The following ZC3H6 variants were observed in gnomAD, a reference collection of about 807,000 sequenced individuals.
The protein encoded by ZC3H6 is zinc finger CCCH-type containing 6, also known as zinc finger CCCH domain-containing protein 6.
Under a neutral mutation model 107.7 loss-of-function variants are expected in ZC3H6, and 40 were observed. The observed-to-expected ratio is 0.37, with a 90% CI of 0.29 to 0.48. ZC3H6 has a LOEUF of 0.48. ZC3H6 is among the 20% of genes least tolerant of loss of function. The probability of loss-of-function intolerance (pLI) is 0.98; values close to 1 mark genes in which losing one functional copy is unlikely to be tolerated. For missense variants in ZC3H6, 1,267 were observed against 1,410.4 expected, an observed-to-expected ratio of 0.90 and a Z score of 1.63; for synonymous variants, 493 against 487.9, an observed-to-expected ratio of 1.01 and a Z score of -0.14.
chr2:112,310,155 C>G lies in ZC3H6; in HGVS notation c.607C>G (p.Gln203Glu), dbSNP rs746829747. ...SGKKQRMKGV[Q>E]QGIEQRVKSF... ...AAAAAAACAGAGAATGAAAGGAGTTCAGCAAGGTAAGTTTGAAATTACAGT... is the reference window on the plus strand; with the variant it reads ...AAAAAAACAGAGAATGAAAGGAGTTGAGCAAGGTAAGTTTGAAATTACAGT... Residue 203 changes from glutamine to glutamate, a missense_variant, in exon 4 of 12, where the codon CAG becomes GAG. Around this residue, in one of 3 missense-constraint regions of ZC3H6, gnomAD observed 337 missense variants for 361.2 expected, o/e 0.93. Transcript: ENST00000409871. The G allele has an allele frequency of 6.2e-7, 1 of 1,611,228 alleles. No homozygotes were observed. The highest frequency in any genetic ancestry group is 1.1e-5 in the South Asian group (1 of 90,624).
Position 112,316,344 on chromosome 2 carries a change from C to T in ZC3H6, c.748-126C>T, listed in dbSNP as rs1433137592. The stretch of plus-strand genomic sequence containing the variant: ...CTCTCTCCAAATAAATGAATAGCAT[C>T]AGAATGTTCAATCTTGATCACTTTT... On this transcript the variant is annotated intron_variant, in intron 5 of 11. Coordinates refer to ENST00000409871, the MANE Select transcript of ZC3H6 (RefSeq NM_198581.3). The T allele has an allele frequency of 6.4e-6, 4 of 624,382 alleles. No homozygotes were observed. The East Asian group carries it at 9.3e-5, about 14-fold the overall frequency. The allele number at this position is 624,382 out of a possible 1,614,324, so 38.7% of individuals were successfully genotyped here. A position where few individuals can be genotyped will look rare whatever the true frequency, so the allele number is the denominator to read the frequency against.
chr2:112,283,603 T>G (rs1222815485), intron 1 of ZC3H6, among the ~76,000 whole-genome samples: 1 of 152,228 alleles, frequency 6.6e-6, no homozygotes, highest in Non-Finnish European at 1.5e-5. Flanking sequence ...CATAACTTCA[T>G]TTGGTAGTTA....
chr2:112,278,977 TA>T (rs943308027), intron 1 of ZC3H6, among the ~76,000 whole-genome samples: 7 of 152,082 alleles, frequency 4.6e-5, no homozygotes, highest in African/African-American at 7.2e-5. Context: ...ATGAATAATT[TA>T]AAAAAAATCC....
intron 3 of ZC3H6, among the ~76,000 whole-genome samples, chr2:112,305,431 A>G (rs1295046936): frequency 6.6e-6 from 1 of 152,230 alleles, no homozygotes; most frequent in African/African-American, 2.4e-5. Context: ...ATAAACAATA[A>G]TGCAGTTGTT....
intron 7 of ZC3H6, among the ~76,000 whole-genome samples, chr2:112,321,244 T>C (rs1048371975): frequency 6.6e-6 from 1 of 151,986 alleles, no homozygotes; most frequent in Non-Finnish European, 1.5e-5. Flanking sequence ...ATATTAAGCC[T>C]CTTAATTTTC....
intron 1 of ZC3H6, among the ~76,000 whole-genome samples, chr2:112,283,430 C>A (rs12623743): frequency 0.097 from 14,749 of 151,720 alleles, 991 homozygotes; most frequent in East Asian, 0.33. Context: ...AATAAATAAT[C>A]AAGTTCCGAG....
chr2:112,326,277 C>T (rs1676905229), intron 11 of ZC3H6, among the ~76,000 whole-genome samples: 2 of 151,886 alleles, frequency 1.3e-5, no homozygotes, highest in Admixed American at 6.6e-5. Context: ...ACTATAGTCA[C>T]CCTGTTGTGC....
At chr2:112,277,725 C>T (rs774739103) in intron 1 of ZC3H6, among the ~76,000 whole-genome samples, 4 of 151,712 alleles carry the variant, frequency 2.6e-5, no homozygotes, top group Non-Finnish European at 5.9e-5. Flanking sequence ...AGGTTAGCTC[C>T]ACTTTAACTT....
Position 112,300,041 on chromosome 2 carries a change from T to C in ZC3H6, c.213+12T>C. On this transcript the variant is annotated intron_variant, in intron 2 of 11. Coordinates refer to ENST00000409871, the MANE Select transcript of ZC3H6 (RefSeq NM_198581.3). The stretch of plus-strand genomic sequence containing the variant: ...GTGAGAAACATAAGGTTAGTTAGAA[T>C]CTACTTTTTATTCTTTTGATAAATG... 2 of 1,367,634 alleles carry C rather than the reference T, an allele frequency of 1.5e-6. No individual in the cohort carries two copies. Among genetic ancestry groups the C allele is most frequent in the Non-Finnish European group, 1.9e-6 (2 of 1,050,176 alleles). 84.7% of individuals were successfully genotyped at this position (1,367,634 alleles called of 1,614,324 possible).
At chr2:112,282,555 G>A (rs534876282) in intron 1 of ZC3H6, among the ~76,000 whole-genome samples, 1 of 152,228 alleles carries the variant, frequency 6.6e-6, no homozygotes, top group South Asian at 2.1e-4. Context: ...ACAACAGATT[G>A]GTAAGTTTCC....
chr2:112,306,571 C>T (rs1676481635), intron 3 of ZC3H6, among the ~76,000 whole-genome samples: 2 of 152,084 alleles, frequency 1.3e-5, no homozygotes, highest in African/African-American at 4.8e-5. Flanking sequence ...TTTTTCTATT[C>T]TGTGCTGAGC....
At chr2:112,281,268 A>C (rs1686520698) in intron 1 of ZC3H6, among the ~76,000 whole-genome samples, 1 of 152,192 alleles carries the variant, frequency 6.6e-6, no homozygotes, top group South Asian at 2.1e-4. Context: ...ATTTGAGGAA[A>C]GAGCATCCAT....
chr2:112,316,900 C>T (rs1676708144), intron 6 of ZC3H6, among the ~76,000 whole-genome samples: 1 of 151,954 alleles, frequency 6.6e-6, no homozygotes, highest in South Asian at 2.1e-4. Flanking sequence ...TGTTATTATC[C>T]CCATTTTATT....
In ZC3H6 at chr2:112,322,884, C is replaced by T. The variant is rs372045320; in HGVS notation, c.1322C>T (p.Ala441Val). 23 of 1,582,488 alleles carry T rather than the reference C, an allele frequency of 1.5e-5. No homozygotes were observed. The Admixed American group carries it at 1.8e-4, about 12-fold the overall frequency. Residue 441 changes from alanine to valine, a missense_variant, in exon 9 of 12, where the codon GCG (alanine) becomes GTG (valine). Around this residue, in one of 3 missense-constraint regions of ZC3H6, gnomAD observed 925 missense variants for 1,025.7 expected, o/e 0.90. Coordinates refer to ENST00000409871, the MANE Select transcript of ZC3H6 (RefSeq NM_198581.3). ...EIVVKPTVDL[A>V]HKIGRKPPAF... Reference sequence around the variant, plus strand: ...GTTGTAAAACCTACTGTGGATTTAGCGCATAAAATTGGGAGGAAGTAAGTG... The same window carrying T: ...GTTGTAAAACCTACTGTGGATTTAGTGCATAAAATTGGGAGGAAGTAAGTG...
At position 112,338,273 on chromosome 2, in the gene ZC3H6, C is replaced by T. The variant is rs893698486; in HGVS notation, c.*5785C>T. On this transcript the variant is annotated 3_prime_UTR_variant, in exon 12 of 12. Coordinates refer to ENST00000409871, the MANE Select transcript of ZC3H6 (RefSeq NM_198581.3). ...CCAGTCTTTTATTTTAAAATAAATA[C>T]TTAGTCCTAACCTAGTGAATTATCA... The T allele has an allele frequency of 2.0e-5, 3 of 152,188 alleles. No individual in the cohort carries two copies. The highest frequency in any genetic ancestry group is 7.2e-5 in the African/African-American group (3 of 41,438). The allele number at this position is 152,188 out of a possible 1,614,324, so 9.4% of individuals were successfully genotyped here.
chr2:112,282,688 A>G (rs1686548957), intron 1 of ZC3H6, among the ~76,000 whole-genome samples: 1 of 152,262 alleles, frequency 6.6e-6, no homozygotes, highest in Admixed American at 6.5e-5. Flanking sequence ...AATAAGGACT[A>G]GAAATTTACA....
intron 2 of ZC3H6, among the ~76,000 whole-genome samples, chr2:112,301,722 GAAT>G (rs1305114801): frequency 6.6e-6 from 1 of 151,582 alleles, no homozygotes; most frequent in Non-Finnish European, 1.5e-5. Flanking sequence ...AAACAGCATA[GAAT>G]AATAACAAAA....
intron 11 of ZC3H6, among the ~76,000 whole-genome samples, chr2:112,326,999 T>C (rs1299512888): frequency 6.6e-6 from 1 of 152,218 alleles, no homozygotes; most frequent in Admixed American, 6.5e-5. Context: ...CAGATATCTC[T>C]TTGATATACT....
At chr2:112,290,817 T>C (rs756546554) in intron 1 of ZC3H6, among the ~76,000 whole-genome samples, 50 of 152,278 alleles carry the variant, frequency 3.3e-4, no homozygotes, top group Non-Finnish European at 5.7e-4. Context: ...TTGTTTTTTC[T>C]TAATTGAACT....
Sources: allele counts gnomAD v4.1 joint callset (sites outside exome capture counted in the v4.1 genomes callset), GRCh38; gene constraint gnomAD v4.1.1; regional missense constraint gnomAD v4.1.1; transcripts MANE v1.5; gene names NCBI Gene and HGNC (gene_info 2026-07-23, HGNC 2026-07-21).